Variants in RAB3C observed in about 807,000 individuals in gnomAD.
RAB3C encodes the protein ras-related protein Rab-3C.
Under a neutral mutation model 26.4 loss-of-function variants are expected in RAB3C, and 17 were observed. The ratio of observed to expected loss-of-function variants is 0.64; its 90% CI spans 0.44 to 0.97. RAB3C has a LOEUF of 0.97. Ranked by LOEUF, RAB3C falls within the 50% of genes least tolerant of loss-of-function variation. RAB3C has a pLI of 0.00. For missense variants in RAB3C, 242 were observed against 281.9 expected (o/e 0.86, Z 1.01); for synonymous variants, 91 against 95.9 (o/e 0.95, Z 0.30).
intron 2 of RAB3C, among the ~76,000 whole-genome samples, chr5:58,706,949 T>G (rs556281387): frequency 6.6e-6 from 1 of 152,350 alleles, no homozygotes; most frequent in South Asian, 2.1e-4. Context: ...TTTGCCTGCT[T>G]TTCTTTCCAT....
At chr5:58,711,901 A>G (rs1193024820) in intron 2 of RAB3C, among the ~76,000 whole-genome samples, 1 of 152,168 alleles carries the variant, frequency 6.6e-6, no homozygotes. Flanking sequence ...GTGCATGTGC[A>G]GTGCCTGGTG....
At chr5:58,760,488 G>A (rs1741774795) in intron 3 of RAB3C, among the ~76,000 whole-genome samples, 1 of 152,156 alleles carries the variant, frequency 6.6e-6, no homozygotes, top group Non-Finnish European at 1.5e-5. Flanking sequence ...TAGCATGGCG[G>A]CTCACTGTAA....
At chr5:58,711,727 A>T (rs1035986104) in intron 2 of RAB3C, among the ~76,000 whole-genome samples, 1 of 152,198 alleles carries the variant, frequency 6.6e-6, no homozygotes, top group East Asian at 1.9e-4. Flanking sequence ...GCCCAGGGTC[A>T]TATAACTGAT....
intron 3 of RAB3C, among the ~76,000 whole-genome samples, chr5:58,782,449 A>C (rs1742292311): frequency 2.0e-5 from 3 of 152,140 alleles, no homozygotes; most frequent in Non-Finnish European, 4.4e-5. Context: ...ACAGTATTTA[A>C]GTAGTATCTC....
intron 2 of RAB3C, among the ~76,000 whole-genome samples, chr5:58,715,011 A>G (rs1370803946): frequency 6.6e-6 from 1 of 152,042 alleles, no homozygotes; most frequent in East Asian, 1.9e-4. Context: ...TTCAGAGCTG[A>G]AAAGGACTTA....
At chr5:58,740,328 C>G (rs922089853) in intron 3 of RAB3C, among the ~76,000 whole-genome samples, 3 of 152,172 alleles carry the variant, frequency 2.0e-5, no homozygotes, top group Admixed American at 6.5e-5. Flanking sequence ...TGACTTATCC[C>G]TTCCATTCAG....
chr5:58,650,060 G>C (rs556237242), intron 2 of RAB3C, among the ~76,000 whole-genome samples: 1 of 152,298 alleles, frequency 6.6e-6, no homozygotes, highest in Non-Finnish European at 1.5e-5. Flanking sequence ...TATATGGAAA[G>C]AATTTTCAAC....
intron 2 of RAB3C, among the ~76,000 whole-genome samples, chr5:58,679,546 T>C (rs1259505342): frequency 6.6e-6 from 1 of 152,220 alleles, no homozygotes; most frequent in African/African-American, 2.4e-5. Context: ...CCTTATGGTT[T>C]TTCCACATGG....
intron 3 of RAB3C, among the ~76,000 whole-genome samples, chr5:58,797,158 A>G (rs1742674507): frequency 1.3e-5 from 2 of 151,790 alleles, no homozygotes; most frequent in South Asian, 4.2e-4. Flanking sequence ...CCCAAAGTTC[A>G]GGGCCATTAG....
At chr5:58,672,421 A>G (rs1748138811) in intron 2 of RAB3C, among the ~76,000 whole-genome samples, 1 of 152,190 alleles carries the variant, frequency 6.6e-6, no homozygotes, top group Non-Finnish European at 1.5e-5. Context: ...TAACTTGCCA[A>G]ACTATTTCCT....
intron 4 of RAB3C, among the ~76,000 whole-genome samples, chr5:58,839,825 T>C (rs928445121): frequency 3.9e-5 from 6 of 152,322 alleles, no homozygotes; most frequent in African/African-American, 1.2e-4. Flanking sequence ...ATGAATTTCC[T>C]TGGTTTTTGC....
At chr5:58,822,989 G>C (rs544125531) in intron 3 of RAB3C, 1 of 617,722 alleles carries the variant, frequency 1.6e-6, no homozygotes, top group African/African-American at 1.8e-5. Flanking sequence ...TAAAGTTTTT[G>C]GGGCCTTGAA....
At chr5:58,650,757 A>G (rs1392578582) in intron 2 of RAB3C, among the ~76,000 whole-genome samples, 7 of 152,192 alleles carry the variant, frequency 4.6e-5, no homozygotes, top group Admixed American at 2.0e-4. Context: ...TTTAACAGCC[A>G]TGATTCCCCC....
intron 3 of RAB3C, among the ~76,000 whole-genome samples, chr5:58,805,908 C>T (rs2459405): frequency 0.49 from 73,914 of 151,692 alleles, 18,402 homozygotes; most frequent in Middle Eastern, 0.68. Flanking sequence ...GTATACATAA[C>T]CAGGTTTCTA....
rs7707997 is a variant in RAB3C, at chr5:58,849,069, T to G, written c.497-2095T>G. Among the ~76,000 whole-genome samples the G allele has an allele frequency of 2.0e-5, 3 of 152,064 alleles. No homozygotes were observed. In the East Asian group the frequency reaches 5.8e-4, roughly 29 times the overall value. On this transcript the variant is annotated intron_variant, in intron 4 of 4. Transcript: ENST00000282878. Reference sequence around the variant, plus strand: ...TGTATACCAATATGATGATAGGGTGTTGAGATGCCCAGGGTAAAGGAGTCA... The same window carrying G: ...TGTATACCAATATGATGATAGGGTGGTGAGATGCCCAGGGTAAAGGAGTCA...
At chr5:58,825,967 G>A (rs1475673887) in intron 4 of RAB3C, among the ~76,000 whole-genome samples, 1 of 152,146 alleles carries the variant, frequency 6.6e-6, no homozygotes, top group Non-Finnish European at 1.5e-5. Context: ...CAATCGAGTG[G>A]ACACTGAAGA....
At chr5:58,737,911 AT>A (rs148633122) in intron 3 of RAB3C, among the ~76,000 whole-genome samples, 1,838 of 152,200 alleles carry the variant, frequency 0.012, 11 homozygotes, top group Middle Eastern at 0.041. Context: ...GAAAAAAAAA[AT>A]GTCTTATCTT....
intron 3 of RAB3C, among the ~76,000 whole-genome samples, chr5:58,754,611 G>T (rs1036181379): frequency 6.6e-6 from 1 of 152,138 alleles, no homozygotes; most frequent in African/African-American, 2.4e-5. Flanking sequence ...AGTTACCGCA[G>T]ACCAAGTATA....
intron 1 of RAB3C, among the ~76,000 whole-genome samples, chr5:58,588,915 A>T (rs60365444): frequency 0.32 from 49,055 of 151,962 alleles, 8,829 homozygotes; most frequent in Middle Eastern, 0.44. Flanking sequence ...TATCTTATTG[A>T]ATAGAATAGA....
Sources: allele counts gnomAD v4.1 joint callset (sites outside exome capture counted in the v4.1 genomes callset), GRCh38; gene constraint gnomAD v4.1.1; transcripts MANE v1.5; gene names NCBI Gene and HGNC (gene_info 2026-07-23, HGNC 2026-07-21).